Variants in NPAS3 observed in about 807,000 individuals in gnomAD.
NPAS3 encodes the protein neuronal PAS domain-containing protein 3.
NPAS3 carries 14 observed loss-of-function variants against 73.1 expected under a neutral mutation model. The observed-to-expected ratio is 0.19, with a 90% CI of 0.13 to 0.30. The LOEUF (loss-of-function observed/expected upper bound fraction) is 0.30, where lower values mean the gene tolerates loss of function less well. Ranked by LOEUF, NPAS3 falls within the 10% of genes least tolerant of loss-of-function variation. NPAS3 has a pLI of 1.00. For synonymous variants in NPAS3, 620 were observed against 541.5 expected (o/e 1.14, Z -2.01); for missense variants, 1,096 against 1,250.0 (o/e 0.88, Z 1.86).
chr14:33,059,568 C>A (rs185386724), intron 2 of NPAS3, among the ~76,000 whole-genome samples: 1 of 152,222 alleles, frequency 6.6e-6, no homozygotes, highest in African/African-American at 2.4e-5. Flanking sequence ...CTAAGTATTA[C>A]AAATTTTGGG....
intron 4 of NPAS3, among the ~76,000 whole-genome samples, chr14:33,372,070 CACTT>C (rs1451079878): frequency 2.6e-5 from 4 of 152,122 alleles, no homozygotes; most frequent in South Asian, 2.1e-4. Context: ...AGAATTAAAA[CACTT>C]ACAGTTGGAG....
At chr14:33,308,031 T>C (rs1487724005) in intron 3 of NPAS3, among the ~76,000 whole-genome samples, 1 of 152,112 alleles carries the variant, frequency 6.6e-6, no homozygotes, top group Non-Finnish European at 1.5e-5. Flanking sequence ...CGCAATCACA[T>C]TTGCCTGCCT....
chr14:33,548,722 C>T (rs2054965453), intron 4 of NPAS3, among the ~76,000 whole-genome samples: 1 of 152,184 alleles, frequency 6.6e-6, no homozygotes, highest in Admixed American at 6.5e-5. Context: ...TCAAAATGCA[C>T]ACTAAGTTAT....
Position 33,018,003 on chromosome 14 carries a change from G to A in NPAS3, c.51-37902G>A, listed in dbSNP as rs138673703. Among the ~76,000 whole-genome samples, 97 of 151,918 alleles carry A rather than the reference G, an allele frequency of 6.4e-4. 1 individual carries two copies. Among genetic ancestry groups the A allele is most frequent in the African/African-American group, 1.9e-3 (78 of 41,344 alleles). On this transcript the variant is annotated intron_variant, in intron 1 of 11. Transcript: ENST00000356141. ...GAATATGATTCATTGTCATGTCGTG[G>A]CTTTAAAAATTAGAAACAGAAAAAA...
intron 3 of NPAS3, among the ~76,000 whole-genome samples, chr14:33,303,118 G>C (rs10483435): frequency 6.6e-6 from 1 of 151,874 alleles, no homozygotes; most frequent in Admixed American, 6.6e-5. Context: ...ATGTACTTTG[G>C]AACTTGTCGC....
chr14:33,127,880 A>G (rs73268690), intron 2 of NPAS3, among the ~76,000 whole-genome samples: 164 of 152,256 alleles, frequency 1.1e-3, no homozygotes, highest in African/African-American at 3.8e-3. Context: ...ACAAAATCTC[A>G]AAAGAATAAA....
At chr14:33,276,515 A>T (rs925766297) in intron 3 of NPAS3, among the ~76,000 whole-genome samples, 6 of 151,998 alleles carry the variant, frequency 3.9e-5, no homozygotes, top group Non-Finnish European at 8.8e-5. Context: ...TTTTTAAAAA[A>T]CTCATGAATT....
At chr14:33,155,753 G>A (rs1340783314) in intron 2 of NPAS3, among the ~76,000 whole-genome samples, 2 of 152,090 alleles carry the variant, frequency 1.3e-5, no homozygotes, top group Non-Finnish European at 2.9e-5. Flanking sequence ...AATTGTGTAG[G>A]TATCTTCCCT....
chr14:33,684,036 T>G (rs1958556), intron 6 of NPAS3, among the ~76,000 whole-genome samples: 1 of 151,862 alleles, frequency 6.6e-6, no homozygotes, highest in African/African-American at 2.4e-5. Flanking sequence ...CAGGTTAGTT[T>G]TGTGGCCAAG....
chr14:33,438,648 C>T (rs2049098417), intron 4 of NPAS3, among the ~76,000 whole-genome samples: 1 of 152,102 alleles, frequency 6.6e-6, no homozygotes, highest in Admixed American at 6.5e-5. Flanking sequence ...ACGATTCTAC[C>T]AGCTTGGGGA....
intron 3 of NPAS3, among the ~76,000 whole-genome samples, chr14:33,268,876 CAG>C (rs1236622133): frequency 1.1e-4 from 17 of 152,200 alleles, no homozygotes; most frequent in African/African-American, 3.6e-4. Flanking sequence ...CTGAGAGAGA[CAG>C]AGGAGGAAGG....
At chr14:33,677,898 G>GT (rs1476990840) in intron 6 of NPAS3, among the ~76,000 whole-genome samples, 5 of 152,186 alleles carry the variant, frequency 3.3e-5, no homozygotes, top group Non-Finnish European at 5.9e-5. Context: ...AACTGGAACT[G>GT]TTTTTTAGTC....
intron 2 of NPAS3, among the ~76,000 whole-genome samples, chr14:33,083,178 CAAAAAAAAAAAAAAAAAAAAA>C (rs57147759): frequency 1.7e-4 from 11 of 65,018 alleles, no homozygotes; most frequent in Middle Eastern, 0.015. Flanking sequence ...GAGACTGTCT[CAAAAAAAAAAAAAAAAAAAAA>C]AAAAAAAAAA....
chr14:33,412,481 C>T (rs2047972585), intron 4 of NPAS3, among the ~76,000 whole-genome samples: 2 of 152,114 alleles, frequency 1.3e-5, no homozygotes, highest in East Asian at 3.9e-4. Flanking sequence ...TGTAGCTTTT[C>T]CCTTCTTCAT....
At chr14:33,559,698 T>C (rs982818058) in intron 4 of NPAS3, among the ~76,000 whole-genome samples, 3 of 152,224 alleles carry the variant, frequency 2.0e-5, no homozygotes, top group African/African-American at 7.2e-5. Context: ...CTTAGGACTT[T>C]CGTTAAACAT....
chr14:33,592,996 C>T (rs945186972), intron 5 of NPAS3, among the ~76,000 whole-genome samples: 1 of 152,102 alleles, frequency 6.6e-6, no homozygotes, highest in African/African-American at 2.4e-5. Flanking sequence ...ATGCTTCAGA[C>T]ACATCTCGTA....
At chr14:33,554,777 CA>C (rs1182987254) in intron 4 of NPAS3, among the ~76,000 whole-genome samples, 14 of 152,058 alleles carry the variant, frequency 9.2e-5, no homozygotes, top group Admixed American at 9.2e-4. Context: ...GGAATATGCA[CA>C]AAAAGGAAAG....
intron 2 of NPAS3, among the ~76,000 whole-genome samples, chr14:33,144,836 C>T (rs2044180473): frequency 6.6e-6 from 1 of 152,112 alleles, no homozygotes; most frequent in Non-Finnish European, 1.5e-5. Context: ...TCAAATGATC[C>T]TCCTATCTTG....
intron 2 of NPAS3, among the ~76,000 whole-genome samples, chr14:33,161,226 A>G (rs1256102251): frequency 6.6e-6 from 1 of 152,248 alleles, no homozygotes; most frequent in Non-Finnish European, 1.5e-5. Flanking sequence ...TGGTATTAGA[A>G]GCAGGAAGTA....
Sources: allele counts gnomAD v4.1 joint callset (sites outside exome capture counted in the v4.1 genomes callset), GRCh38; gene constraint gnomAD v4.1.1; transcripts MANE v1.5; gene names NCBI Gene and HGNC (gene_info 2026-07-23, HGNC 2026-07-21).